The following MKX variants were observed in gnomAD, a reference collection of about 807,000 sequenced individuals.
MKX encodes the protein mohawk homeobox, also known as homeobox protein Mohawk.
A neutral mutation model predicts 36.0 loss-of-function variants in MKX; 13 were observed. The ratio of observed to expected loss-of-function variants is 0.36; its 90% CI spans 0.24 to 0.57. The LOEUF (loss-of-function observed/expected upper bound fraction) is 0.57, where lower values mean the gene tolerates loss of function less well. MKX is among the 20% of genes least tolerant of loss of function. The probability of loss-of-function intolerance (pLI) is 0.79; values close to 1 mark genes in which losing one functional copy is unlikely to be tolerated. For synonymous variants in MKX, 176 were observed against 178.3 expected (o/e 0.99, Z 0.10); for missense variants, 458 against 456.4 (o/e 1.00, Z -0.03).
chr10:27,741,472 T>C lies in MKX; in HGVS notation c.221A>G (p.Lys74Arg). 6.2e-7 allele frequency: 1 copy of C among 1,605,842 alleles called. No individual in the cohort carries two copies. Among genetic ancestry groups the C allele is most frequent in the Non-Finnish European group, 8.5e-7 (1 of 1,177,082 alleles). Reference protein sequence around the residue: ...ARQNGGKVRHKRQALQDMARP... With the variant: ...ARQNGGKVRHRRQALQDMARP... ...CGCCATGTCTTGCAGGGCCTGCCGCTTGTGCCTCACCTTCCCGCCATTCTG... is the reference window on the plus strand; with the variant it reads ...CGCCATGTCTTGCAGGGCCTGCCGCCTGTGCCTCACCTTCCCGCCATTCTG... The change falls in exon 3 of 7, where the codon AAG becomes AGG. Residue 74 changes from lysine (K) to arginine (R), a missense_variant. By Grantham distance (26) the Lys-to-Arg change is conservative (BLOSUM62 2). This residue lies in a region of MKX where 149 missense variants were observed against 114.3 expected (regional missense o/e 1.30). Transcript: ENST00000419761. This position sits in a 1 kb window ranked among gnomAD's most constrained non-coding sequence, Gnocchi z 5.1.
chr10:27,691,041 A>T (rs1015449375), intron 5 of MKX, among the ~76,000 whole-genome samples: 1 of 152,094 alleles, frequency 6.6e-6, no homozygotes, highest in Non-Finnish European at 1.5e-5. Context: ...TCCTTCCGCC[A>T]TGATTGTACA....
chr10:27,738,931 T>A (rs941939301), intron 3 of MKX, among the ~76,000 whole-genome samples: 2 of 152,054 alleles, frequency 1.3e-5, no homozygotes, highest in Admixed American at 6.5e-5. Context: ...TATTTAACGT[T>A]ACTATAAGCC....
At chr10:27,709,329 CA>C (rs1300662991) in intron 5 of MKX, among the ~76,000 whole-genome samples, 1 of 152,086 alleles carries the variant, frequency 6.6e-6, no homozygotes, top group Non-Finnish European at 1.5e-5. Context: ...TTAAAGGATA[CA>C]GGGGGATGCG....
intron 5 of MKX, among the ~76,000 whole-genome samples, chr10:27,700,731 C>A (rs557095582): frequency 6.6e-6 from 1 of 152,076 alleles, no homozygotes; most frequent in Non-Finnish European, 1.5e-5. Flanking sequence ...CATTGCATTT[C>A]GTTAACAGCT....
At chr10:27,705,788 C>T (rs1039584979) in intron 5 of MKX, among the ~76,000 whole-genome samples, 1 of 152,158 alleles carries the variant, frequency 6.6e-6, no homozygotes, top group African/African-American at 2.4e-5. Flanking sequence ...TAGTCCAAAT[C>T]AAAGACAAAT....
intron 5 of MKX, among the ~76,000 whole-genome samples, chr10:27,696,784 A>G (rs1836562394): frequency 1.3e-5 from 2 of 152,162 alleles, no homozygotes; most frequent in South Asian, 4.1e-4. Flanking sequence ...ACTCAATCAT[A>G]TAGGTATGTG....
chr10:27,696,052 T>C (rs1194072246), intron 5 of MKX, among the ~76,000 whole-genome samples: 4 of 152,214 alleles, frequency 2.6e-5, no homozygotes, highest in Admixed American at 2.6e-4. Flanking sequence ...TTTGTTGTTG[T>C]TGCTTATCTT....
At chr10:27,700,024 A>C (rs1365477776) in intron 5 of MKX, among the ~76,000 whole-genome samples, 3 of 152,196 alleles carry the variant, frequency 2.0e-5, no homozygotes, top group Non-Finnish European at 4.4e-5. Flanking sequence ...TAGATATTAC[A>C]CAAACTTTTG....
chr10:27,711,499 T>TCTTCCTTCC lies in MKX; in HGVS notation c.838+22956_838+22957insGGAAGGAAG, dbSNP rs1554772224. On this transcript the variant is annotated intron_variant, in intron 5 of 6. Transcript: ENST00000419761. ...TCTTTCTTTCTCTCTCTCTCTCTTC[T>TCTTCCTTCC]TTCCTTCCTTCCTTCCTTCCTTCCT... 1.9e-3 allele frequency among the ~76,000 whole-genome samples: 177 copies of TCTTCCTTCC among 93,060 alleles called. 1 individual carries two copies. Among genetic ancestry groups the TCTTCCTTCC allele is most frequent in the African/African-American group, 7.4e-3 (143 of 19,304 alleles). 61.1% of individuals were successfully genotyped at this position (93,060 alleles called of 152,430 possible). A position where few individuals can be genotyped will look rare whatever the true frequency, so the allele number is the denominator to read the frequency against.
At chr10:27,702,787 G>A (rs1043530833) in intron 5 of MKX, among the ~76,000 whole-genome samples, 4 of 152,104 alleles carry the variant, frequency 2.6e-5, no homozygotes, top group African/African-American at 9.7e-5. Flanking sequence ...GTGGAGGGGT[G>A]GGCGGGGGAA....
chr10:27,697,940 G>A (rs990787424), intron 5 of MKX, among the ~76,000 whole-genome samples: 2 of 152,278 alleles, frequency 1.3e-5, no homozygotes, highest in Non-Finnish European at 2.9e-5. Flanking sequence ...GCAGCAGGCA[G>A]CCTGTCCTGG....
At chr10:27,701,119 T>A (rs999054647) in intron 5 of MKX, among the ~76,000 whole-genome samples, 7 of 152,270 alleles carry the variant, frequency 4.6e-5, no homozygotes, top group Non-Finnish European at 1.0e-4. Context: ...TGGATTCACT[T>A]AATTGTTTCT....
At chr10:27,685,870 T>C (rs1203490561) in intron 5 of MKX, among the ~76,000 whole-genome samples, 2 of 152,218 alleles carry the variant, frequency 1.3e-5, no homozygotes, top group African/African-American at 4.8e-5. Context: ...GAGGAAATTT[T>C]TGTGGTTATC....
chr10:27,711,481 T>TCTC (rs1491358691), intron 5 of MKX, among the ~76,000 whole-genome samples: 4 of 17,708 alleles, frequency 2.3e-4, no homozygotes, highest in East Asian at 5.0e-4. Flanking sequence ...CTTTCTTTCT[T>TCTC]TCTCTCTCTC....
At position 27,735,238 on chromosome 10, in the gene MKX, T is replaced by C; in HGVS notation, c.485A>G (p.Asp162Gly). 2 of 1,596,640 alleles carry C rather than the reference T, an allele frequency of 1.3e-6. No homozygotes were observed. Among genetic ancestry groups the C allele is most frequent in the Non-Finnish European group, 1.7e-6 (2 of 1,172,858 alleles). Reference protein sequence around the residue: ...GNAERLSVSSDDSCSEDGENP... With the variant: ...GNAERLSVSSGDSCSEDGENP... ...TAACAAACCTTCAGAACATGAGTCA[T>C]CACTGCTTACGCTAAGCCGTTCAGC... Residue 162 changes from aspartate (D) to glycine (G), a missense_variant, in exon 4 of 7, where the codon GAT becomes GGT. This residue lies in a region of MKX where 297 missense variants were observed against 304.4 expected (regional missense o/e 0.98). Coordinates refer to ENST00000419761, the MANE Select transcript of MKX (RefSeq NM_173576.3).
At chr10:27,711,447 C>CT in intron 5 of MKX, among the ~76,000 whole-genome samples, 1 of 9,410 alleles carries the variant, frequency 1.1e-4, no homozygotes, top group East Asian at 4.3e-3. Flanking sequence ...TTCTTTCTTT[C>CT]TTTCTTTCTT....
In MKX at chr10:27,706,284, G is replaced by A. The variant is rs59950033; in HGVS notation, c.838+28172C>T. ...CATTTTGTTTGTCCATTCTTCTGTC[G>A]ATGGACAACTGGGCTGCTTCCACAT... On this transcript the variant is annotated intron_variant, in intron 5 of 6. Coordinates refer to ENST00000419761, the MANE Select transcript of MKX (RefSeq NM_173576.3). Among the ~76,000 whole-genome samples the A allele has an allele frequency of 6.1e-3, 928 of 151,664 alleles. 17 individuals are homozygous for A. In the East Asian group the frequency reaches 0.064, roughly 11 times the overall value.
intron 5 of MKX, among the ~76,000 whole-genome samples, chr10:27,700,173 C>A (rs1369087478): frequency 6.6e-6 from 1 of 152,112 alleles, no homozygotes; most frequent in Non-Finnish European, 1.5e-5. Context: ...GTCTCCATGA[C>A]CTTTATGGAT....
rs1246793835 is a variant in MKX at position 27,744,427 on chromosome 10, A to T, written c.-82-930T>A. On this transcript the variant is annotated intron_variant, in intron 1 of 6. Transcript: ENST00000419761. This position sits in a 1 kb window ranked among gnomAD's most constrained non-coding sequence, Gnocchi z 5.6. Reference sequence around the variant, plus strand: ...GCTTGGTCGGCGCACCTCCCGGGCCACTGCTGCCACTGTCGGGGAGAGCCA... The same window carrying T: ...GCTTGGTCGGCGCACCTCCCGGGCCTCTGCTGCCACTGTCGGGGAGAGCCA... Among the ~76,000 whole-genome samples the T allele has an allele frequency of 6.6e-6, 1 of 152,026 alleles. No individual in the cohort carries two copies. The highest frequency in any genetic ancestry group is 1.5e-5 in the Non-Finnish European group (1 of 67,980).
Sources: allele counts gnomAD v4.1 joint callset (sites outside exome capture counted in the v4.1 genomes callset), GRCh38; gene constraint gnomAD v4.1.1; regional missense constraint gnomAD v4.1.1; non-coding constraint Gnocchi (gnomAD v3.1); transcripts MANE v1.5; gene names NCBI Gene and HGNC (gene_info 2026-07-23, HGNC 2026-07-21).